Variants in PPP2R2B observed in about 807,000 individuals in gnomAD.
PPP2R2B encodes serine/threonine-protein phosphatase 2A 55 kDa regulatory subunit B beta isoform.
A neutral mutation model predicts 46.0 loss-of-function variants in PPP2R2B; 5 were observed. The ratio of observed to expected loss-of-function variants is 0.11; its 90% confidence interval spans 0.06 to 0.23. PPP2R2B has a LOEUF of 0.23. Ranked by LOEUF, PPP2R2B falls within the 10% of genes least tolerant of loss-of-function variation. The pLI, the probability that PPP2R2B is intolerant of heterozygous loss-of-function variation, is 1.00. For synonymous variants in PPP2R2B, 215 were observed against 206.7 expected (o/e 1.04, Z -0.34); for missense variants, 367 against 575.0 (o/e 0.64, Z 3.70).
intron 5 of PPP2R2B, among the ~76,000 whole-genome samples, chr5:146,658,452 A>G (rs1561810349): frequency 1.3e-5 from 2 of 152,238 alleles, no homozygotes; most frequent in African/African-American, 2.4e-5. Context: ...TGTCATAAAA[A>G]TGGGAGAGCA....
upstream of PPP2R2B, among the ~76,000 whole-genome samples, chr5:147,056,890 T>A (rs1270752742): frequency 1.3e-5 from 2 of 152,202 alleles, no homozygotes; most frequent in Non-Finnish European, 2.9e-5. Context: ...CACTATTGTA[T>A]ATAATGAAGA....
At chr5:147,064,173 C>T (rs1045917171) in intron 2 of PPP2R2B, among the ~76,000 whole-genome samples, 1 of 152,196 alleles carries the variant, frequency 6.6e-6, no homozygotes, top group Non-Finnish European at 1.5e-5. Context: ...ATCAGTTCCT[C>T]TACATCTGGA....
chr5:146,818,206 C>G (rs537856283), intron 2 of PPP2R2B, among the ~76,000 whole-genome samples: 3 of 152,236 alleles, frequency 2.0e-5, no homozygotes, highest in African/African-American at 7.2e-5. Flanking sequence ...ATTTTAAACT[C>G]TACGAGGGCA....
Position 146,878,461 on chromosome 5 carries a change from C to T in PPP2R2B, c.-125+130G>A, listed in dbSNP as rs1364230306. 7.3e-7 allele frequency: 1 copy of T among 1,373,268 alleles called. No homozygotes were observed. The highest frequency in any genetic ancestry group is 3.2e-5 in the Admixed American group (1 of 31,716). The allele number at this position is 1,373,268 out of a possible 1,614,324, so 85.1% of individuals were successfully genotyped here. A position where few individuals can be genotyped will look rare whatever the true frequency, so the allele number is the denominator to read the frequency against. On this transcript the variant is annotated intron_variant, in intron 1 of 9. Coordinates refer to ENST00000394411, the MANE Select transcript of PPP2R2B (RefSeq NM_181675.4). This position sits in a 1 kb window ranked among gnomAD's most constrained non-coding sequence, Gnocchi z 4.5. ...GGGGAGATGCCCAACAGGTTCCCCT[C>T]CTTGGCAGCCGCTCCAAAATGCAAA...
chr5:146,648,204 G>T (rs1304779172), intron 6 of PPP2R2B, among the ~76,000 whole-genome samples: 2 of 152,134 alleles, frequency 1.3e-5, no homozygotes, highest in Non-Finnish European at 2.9e-5. Flanking sequence ...TCCCACTTGT[G>T]ATCTTCCATG....
chr5:146,900,554 T>TTCCTTCCTTCCTTCCTTCCTTC lies in PPP2R2B; in HGVS notation c.79+155110_79+155111insGAAGGAAGGAAGGAAGGAAGGA, dbSNP rs1762795761. Among the ~76,000 whole-genome samples the TTCCTTCCTTCCTTCCTTCCTTC allele has an allele frequency of 1.3e-3, 146 of 110,126 alleles. 5 individuals are homozygous for TTCCTTCCTTCCTTCCTTCCTTC. The highest frequency in any genetic ancestry group is 3.2e-3 in the South Asian group (9 of 2,856). 72.2% of individuals were successfully genotyped at this position (110,126 alleles called of 152,430 possible). On this transcript the variant is annotated intron_variant, in intron 1 of 8. Coordinates refer to the PPP2R2B transcript ENST00000336640. ...TCCTTTCCTTTCTTTTTCCTTCCTT[T>TTCCTTCCTTCCTTCCTTCCTTC]CTTCCTTCCTTCCTTCCTTCCTTCC...
intron 6 of PPP2R2B, among the ~76,000 whole-genome samples, chr5:146,639,074 C>A (rs1480174174): frequency 6.6e-6 from 1 of 152,208 alleles, no homozygotes; most frequent in African/African-American, 2.4e-5. Flanking sequence ...GAAACGGATG[C>A]TCCATGTGCA....
intron 2 of PPP2R2B, among the ~76,000 whole-genome samples, chr5:147,072,806 G>C (rs1357982332): frequency 6.6e-6 from 1 of 152,190 alleles, no homozygotes; most frequent in Non-Finnish European, 1.5e-5. Flanking sequence ...GGGAACCTGA[G>C]CAAATAGCAC....
intron 2 of PPP2R2B, among the ~76,000 whole-genome samples, chr5:146,784,701 A>G (rs917244351): frequency 6.6e-6 from 1 of 152,190 alleles, no homozygotes; most frequent in African/African-American, 2.4e-5. Context: ...TGTGGCTCTC[A>G]GCTCTTCAGA....
intron 1 of PPP2R2B, among the ~76,000 whole-genome samples, chr5:147,014,557 T>C (rs1754904650): frequency 1.3e-5 from 2 of 152,048 alleles, no homozygotes; most frequent in Admixed American, 6.6e-5. Context: ...TATGCAGCCA[T>C]AAAAAATGAT....
At chr5:146,930,466 A>C (rs920437890) in intron 1 of PPP2R2B, among the ~76,000 whole-genome samples, 18 of 152,184 alleles carry the variant, frequency 1.2e-4, no homozygotes, top group African/African-American at 4.3e-4. Context: ...TGGGGGAAAG[A>C]AGAGAGGCCC....
At chr5:146,987,145 A>G (rs902335951) in intron 1 of PPP2R2B, among the ~76,000 whole-genome samples, 7 of 152,158 alleles carry the variant, frequency 4.6e-5, no homozygotes, top group African/African-American at 1.4e-4. Context: ...TGAGAATACT[A>G]TATCTGGCAA....
upstream of PPP2R2B, among the ~76,000 whole-genome samples, chr5:147,059,766 G>A (rs1757203264): frequency 6.6e-6 from 1 of 152,282 alleles, no homozygotes; most frequent in African/African-American, 2.4e-5. Flanking sequence ...GCTGCTCTAA[G>A]CTTTTCTTTA....
intron 2 of PPP2R2B, among the ~76,000 whole-genome samples, chr5:146,741,055 G>C (rs1252957070): frequency 1.3e-5 from 2 of 148,364 alleles, no homozygotes; most frequent in Non-Finnish European, 3.0e-5. Context: ...AAAAAATGCA[G>C]ATTTTTGGGT....
intron 5 of PPP2R2B, among the ~76,000 whole-genome samples, chr5:146,666,256 C>A (rs867622863): frequency 1.6e-4 from 24 of 152,102 alleles, no homozygotes; most frequent in Non-Finnish European, 2.5e-4. Context: ...TCTGTTCATT[C>A]ATTAATGTTA....
intron 1 of PPP2R2B, among the ~76,000 whole-genome samples, chr5:146,925,980 G>T (rs1763769440): frequency 6.6e-6 from 1 of 151,856 alleles, no homozygotes; most frequent in Admixed American, 6.6e-5. Context: ...TTTTCACCTG[G>T]TATTTTTAAA....
intron 1 of PPP2R2B, among the ~76,000 whole-genome samples, chr5:146,976,898 C>G (rs1179037484): frequency 1.3e-5 from 2 of 152,152 alleles, no homozygotes; most frequent in East Asian, 3.9e-4. Context: ...TCCCATAAAA[C>G]TAACAAGCAT....
chr5:146,945,215 T>C (rs1764443094), intron 1 of PPP2R2B, among the ~76,000 whole-genome samples: 1 of 152,168 alleles, frequency 6.6e-6, no homozygotes, highest in African/African-American at 2.4e-5. Flanking sequence ...GATGCAACTA[T>C]TACCAAACAG....
chr5:146,861,117 G>A (rs929783765), intron 2 of PPP2R2B, among the ~76,000 whole-genome samples: 1 of 147,438 alleles, frequency 6.8e-6, no homozygotes, highest in South Asian at 2.2e-4. Context: ...GTGCAGTGGC[G>A]CGATCTCGGC....
Sources: allele counts gnomAD v4.1 joint callset (sites outside exome capture counted in the v4.1 genomes callset), GRCh38; gene constraint gnomAD v4.1.1; non-coding constraint Gnocchi (gnomAD v3.1); transcripts MANE v1.5; gene names NCBI Gene and HGNC (gene_info 2026-07-23, HGNC 2026-07-21).